RGS5: variants seen among roughly 807,000 people sequenced by gnomAD.
The protein encoded by RGS5 is regulator of G-protein signalling 5.
A neutral mutation model predicts 18.9 loss-of-function variants in RGS5; 20 were observed. That is an observed-to-expected ratio of 1.06 (90% CI 0.74 to 1.54). The LOEUF (loss-of-function observed/expected upper bound fraction) is 1.54, where lower values mean the gene tolerates loss of function less well. RGS5 is among the 40% of genes most tolerant of loss of function. The pLI, the probability that RGS5 is intolerant of heterozygous loss-of-function variation, is 0.00. For missense variants in RGS5, 201 were observed against 211.8 expected, an observed-to-expected ratio of 0.95 and a Z score of 0.32; for synonymous variants, 57 against 76.2, an observed-to-expected ratio of 0.75 and a Z score of 1.31.
At chr1:163,165,901 G>A (rs2815285) in intron 2 of RGS5, among the ~76,000 whole-genome samples, 83,596 of 142,674 alleles carry the variant, frequency 0.59, 25,515 homozygotes, top group South Asian at 0.74. Context: ...GCGAAATTCC[G>A]TCTCAAAAAA....
At chr1:163,163,196 G>A (rs1415774418) in intron 2 of RGS5, among the ~76,000 whole-genome samples, 1 of 152,134 alleles carries the variant, frequency 6.6e-6, no homozygotes, top group African/African-American at 2.4e-5. Context: ...AAAGTATTGT[G>A]AATAATCCCT....
At chr1:163,276,426 G>A (rs1289855685) in intron 2 of RGS5, among the ~76,000 whole-genome samples, 1 of 152,114 alleles carries the variant, frequency 6.6e-6, no homozygotes, top group Admixed American at 6.6e-5. Context: ...GTTATGAGTT[G>A]TTTAGATAGA....
intron 1 of RGS5, among the ~76,000 whole-genome samples, chr1:163,180,695 T>TTGTTCTTTTTG (rs1557893081): frequency 8.0e-6 from 1 of 124,442 alleles, no homozygotes; most frequent in African/African-American, 3.3e-5. Flanking sequence ...TGTTTTTTTT[T>TTGTTCTTTTTG]TTTTTTTTTT....
chr1:163,320,108 C>T (rs970382692), intron 1 of RGS5, among the ~76,000 whole-genome samples: 1 of 152,130 alleles, frequency 6.6e-6, no homozygotes, highest in Non-Finnish European at 1.5e-5. Context: ...TTGCTCTTTT[C>T]TTCCTTTGCC....
chr1:163,176,362 C>T (rs1658556857), intron 1 of RGS5, among the ~76,000 whole-genome samples: 1 of 152,200 alleles, frequency 6.6e-6, no homozygotes, highest in Admixed American at 6.5e-5. Context: ...TGGCCCACGC[C>T]TGTAATCCCA....
chr1:163,246,777 C>T (rs1413994143), intron 2 of RGS5, among the ~76,000 whole-genome samples: 2 of 152,016 alleles, frequency 1.3e-5, no homozygotes, highest in East Asian at 3.9e-4. Context: ...ATAAACTTTC[C>T]AAAAATTAAA....
Position 163,168,350 on chromosome 1 carries a change from G to T in RGS5, c.63C>A (p.Ile21=). The part of the protein sequence containing the change: ...SCLERAKEIK[I]KLGILLQKPD... Reference sequence around the variant, plus strand: ...GCTTCTGGAGGAGAATTCCCAACTTGATCTTAATCTCCTTGGCCCTGAAAG... The same window carrying T: ...GCTTCTGGAGGAGAATTCCCAACTTTATCTTAATCTCCTTGGCCCTGAAAG... The change falls in exon 2 of 5, where the codon ATC becomes ATA. Residue 21 remains isoleucine (I), a synonymous_variant. Transcript: ENST00000313961. 7 of 1,613,432 alleles carry T rather than the reference G, an allele frequency of 4.3e-6. No homozygotes were observed. The highest frequency in any genetic ancestry group is 5.9e-6 in the Non-Finnish European group (7 of 1,179,466).
intron 2 of RGS5, among the ~76,000 whole-genome samples, chr1:163,279,073 T>C (rs12751359): frequency 0.24 from 35,893 of 151,994 alleles, 4,356 homozygotes; most frequent in Non-Finnish European, 0.26. Context: ...ACAACAATAA[T>C]TGGGGACTTC....
chr1:163,241,988 C>T (rs954924210), intron 2 of RGS5, among the ~76,000 whole-genome samples: 14 of 152,166 alleles, frequency 9.2e-5, no homozygotes, highest in African/African-American at 3.4e-4. Flanking sequence ...GAGTATTAAT[C>T]TCAAGCACCT....
chr1:163,188,602 T>C (rs910216481), intron 1 of RGS5, among the ~76,000 whole-genome samples: 3 of 151,984 alleles, frequency 2.0e-5, no homozygotes, highest in Non-Finnish European at 4.4e-5. Flanking sequence ...TCACAGATGG[T>C]AAAACAGGAT....
chr1:163,173,179 T>C (rs1571238800), intron 1 of RGS5, among the ~76,000 whole-genome samples: 4 of 152,332 alleles, frequency 2.6e-5, no homozygotes, highest in Admixed American at 2.6e-4. Context: ...CCTGGCCACA[T>C]TACATTAATG....
rs557395570 is a variant in RGS5, at chr1:163,254,349, G to C, written c.-281+51884C>G. 9.9e-3 allele frequency among the ~76,000 whole-genome samples: 1,507 copies of C among 152,192 alleles called. 17 individuals carry two copies. The highest frequency in any genetic ancestry group is 0.016 in the Non-Finnish European group (1,060 of 68,022). Reference sequence around the variant, plus strand: ...CTTTTTAATGATTGCCATTCTAACTGGTGTGAGATGGTATCTCATTGTGGT... The same window carrying C: ...CTTTTTAATGATTGCCATTCTAACTCGTGTGAGATGGTATCTCATTGTGGT... On this transcript the variant is annotated intron_variant, in intron 2 of 5. Coordinates refer to the RGS5 transcript ENST00000618415.
chr1:163,234,635 C>T (rs1647573109), intron 2 of RGS5, among the ~76,000 whole-genome samples: 1 of 152,166 alleles, frequency 6.6e-6, no homozygotes, highest in African/African-American at 2.4e-5. Flanking sequence ...CCATCTGAGC[C>T]AGTTTTCTTT....
chr1:163,193,675 C>T lies in RGS5; in HGVS notation c.44+9117G>A, dbSNP rs185826763. Among the ~76,000 whole-genome samples, 687 of 152,264 alleles carry T rather than the reference C, an allele frequency of 4.5e-3. 3 individuals are homozygous for T. Among genetic ancestry groups the T allele is most frequent in the Middle Eastern group, 0.017 (5 of 294 alleles). ...AATTTGCAGTTGCTGAGCATATACA[C>T]GCCTGACATGGATTTATGCAGTCAG... On this transcript the variant is annotated intron_variant, in intron 1 of 4. Transcript: ENST00000313961.
chr1:163,206,966 T>G (rs1008643058), upstream of RGS5: 2 of 152,226 alleles, frequency 1.3e-5, no homozygotes, highest in African/African-American at 4.8e-5. Flanking sequence ...ATTATGATTT[T>G]TTGTTTTTGT....
At chr1:163,158,122 C>T (rs1657661731) in intron 3 of RGS5, among the ~76,000 whole-genome samples, 3 of 152,174 alleles carry the variant, frequency 2.0e-5, no homozygotes, top group African/African-American at 7.2e-5. Context: ...CTCATAAGAA[C>T]TGATTTGTCA....
In RGS5 at chr1:163,185,490, T is replaced by C. The variant is rs890811242; in HGVS notation, c.45-17122A>G. ...TATTCCATCAAGAGTCCAGTTATCC[T>C]CTCAACCCCCCAGGCTCAACTTGGT... On this transcript the variant is annotated intron_variant, in intron 1 of 4. Coordinates refer to ENST00000313961, the MANE Select transcript of RGS5 (RefSeq NM_003617.4). Among the ~76,000 whole-genome samples, 11 of 152,180 alleles carry C rather than the reference T, an allele frequency of 7.2e-5. No homozygotes were observed. The East Asian group carries it at 1.9e-3, about 27-fold the overall frequency.
At chr1:163,258,638 A>AGTGT (rs1314682175) in intron 2 of RGS5, among the ~76,000 whole-genome samples, 2 of 147,188 alleles carry the variant, frequency 1.4e-5, no homozygotes, top group Admixed American at 1.4e-4. Flanking sequence ...TGCTAAAGTA[A>AGTGT]GTGTGTCTGT....
chr1:163,203,029 G>A, upstream of RGS5: 1 of 557,928 alleles, frequency 1.8e-6, no homozygotes, highest in African/African-American at 1.9e-5. Flanking sequence ...AGCAGCAGTG[G>A]GCCCTGAGGT....
Sources: allele counts gnomAD v4.1 joint callset (sites outside exome capture counted in the v4.1 genomes callset), GRCh38; gene constraint gnomAD v4.1.1; transcripts MANE v1.5; gene names NCBI Gene and HGNC (gene_info 2026-07-23, HGNC 2026-07-21).